The following HECW1 variants were observed in gnomAD, a reference collection of about 807,000 sequenced individuals.
The protein encoded by HECW1 is HECT, C2 and WW domain containing E3 ubiquitin protein ligase 1.
Under a neutral mutation model 182.3 loss-of-function variants are expected in HECW1, and 61 were observed. That is an observed-to-expected ratio of 0.33 (90% CI 0.27 to 0.41). The LOEUF is 0.41. HECW1 is among the 10% of genes least tolerant of loss of function. HECW1 has a pLI of 1.00. For synonymous variants in HECW1, 859 were observed against 832.6 expected (o/e 1.03, Z -0.55); for missense variants, 1,739 against 2,108.9 (o/e 0.82, Z 3.44).
rs1012192892 is a variant in HECW1, at chr7:43,564,342, C to G, written c.*2416C>G. 4 of 185,282 alleles carry G rather than the reference C, an allele frequency of 2.2e-5. No individual in the cohort carries two copies. The East Asian group carries it at 3.5e-4, about 16-fold the overall frequency. 11.5% of individuals were successfully genotyped at this position (185,282 alleles called of 1,614,324 possible). On this transcript the variant is annotated 3_prime_UTR_variant, in exon 30 of 30. Coordinates refer to ENST00000395891, the MANE Select transcript of HECW1 (RefSeq NM_015052.5). Reference sequence around the variant, plus strand: ...AAGCTGTTTACAAGATGGACCAGCTCCTGGAGAGCTTTGCAATTTATATAA... The same window carrying G: ...AAGCTGTTTACAAGATGGACCAGCTGCTGGAGAGCTTTGCAATTTATATAA...
At chr7:43,199,391 T>A (rs1301633673) in intron 2 of HECW1, among the ~76,000 whole-genome samples, 2 of 152,262 alleles carry the variant, frequency 1.3e-5, no homozygotes, top group Non-Finnish European at 2.9e-5. Flanking sequence ...TTATAGACTT[T>A]GAGAGTTTCC....
chr7:43,393,185 G>T (rs763148400), intron 6 of HECW1, among the ~76,000 whole-genome samples: 22 of 151,908 alleles, frequency 1.4e-4, no homozygotes, highest in Admixed American at 1.2e-3. Context: ...AACAGAGAGA[G>T]GGGGGGCAAC....
chr7:43,155,019 C>T (rs772703822), intron 2 of HECW1, among the ~76,000 whole-genome samples: 9 of 152,142 alleles, frequency 5.9e-5, no homozygotes, highest in Admixed American at 2.0e-4. Flanking sequence ...CAGACTACAA[C>T]GCAAGGCTGC....
chr7:43,226,007 A>C (rs1016892694), intron 2 of HECW1, among the ~76,000 whole-genome samples: 4 of 152,094 alleles, frequency 2.6e-5, no homozygotes, highest in African/African-American at 9.7e-5. Flanking sequence ...TCCTGGACTC[A>C]AGCAATCCTC....
At chr7:43,424,121 G>A (rs988269763) in intron 8 of HECW1, among the ~76,000 whole-genome samples, 4 of 152,192 alleles carry the variant, frequency 2.6e-5, no homozygotes, top group African/African-American at 9.7e-5. Context: ...TTCCACTTCA[G>A]CCAGGCTCAT....
chr7:43,197,452 G>A (rs934310123), intron 2 of HECW1, among the ~76,000 whole-genome samples: 1 of 152,312 alleles, frequency 6.6e-6, no homozygotes, highest in Non-Finnish European at 1.5e-5. Context: ...AAAGCGATGC[G>A]TCCTGGGTGG....
chr7:43,307,400 C>T (rs142105929), intron 3 of HECW1, among the ~76,000 whole-genome samples: 4 of 152,024 alleles, frequency 2.6e-5, no homozygotes, highest in Admixed American at 6.6e-5. Context: ...TAGTGATATC[C>T]GTTGATTTCC....
chr7:43,213,736 C>T (rs1036719321), intron 2 of HECW1, among the ~76,000 whole-genome samples: 8 of 152,010 alleles, frequency 5.3e-5, no homozygotes, highest in East Asian at 1.9e-4. Context: ...TGAGCCACTG[C>T]GCCCAGCCAA....
chr7:43,502,516 G>A (rs2079406625), intron 21 of HECW1, among the ~76,000 whole-genome samples: 1 of 152,022 alleles, frequency 6.6e-6, no homozygotes, highest in South Asian at 2.1e-4. Context: ...TTTTTAATTA[G>A]CCAGGTGTGG....
intron 5 of HECW1, among the ~76,000 whole-genome samples, chr7:43,327,722 C>T (rs899910797): frequency 6.6e-6 from 1 of 152,288 alleles, no homozygotes; most frequent in South Asian, 2.1e-4. Flanking sequence ...AGTCCATAGG[C>T]ACTCTCTAGC....
intron 16 of HECW1, among the ~76,000 whole-genome samples, chr7:43,471,397 G>A (rs1447399064): frequency 2.0e-5 from 3 of 151,946 alleles, no homozygotes; most frequent in African/African-American, 4.8e-5. Context: ...CCCTCACCCT[G>A]GACAATCTGC....
chr7:43,173,870 G>A (rs932375985), intron 2 of HECW1, among the ~76,000 whole-genome samples: 16 of 151,476 alleles, frequency 1.1e-4, no homozygotes, highest in Admixed American at 2.0e-4. Flanking sequence ...TGGAGACAGG[G>A]TATCACTCTG....
At chr7:43,489,631 A>T (rs1204039049) in intron 17 of HECW1, among the ~76,000 whole-genome samples, 2 of 152,280 alleles carry the variant, frequency 1.3e-5, no homozygotes, top group African/African-American at 4.8e-5. Context: ...GGCAATAAGA[A>T]GGACCAGGAG....
chr7:43,525,173 C>G (rs1272857926), intron 24 of HECW1, among the ~76,000 whole-genome samples: 1 of 152,122 alleles, frequency 6.6e-6, no homozygotes, highest in African/African-American at 2.4e-5. Context: ...CAATATCAAG[C>G]CCAATAATCG....
intron 2 of HECW1, among the ~76,000 whole-genome samples, chr7:43,222,627 A>G (rs569284760): frequency 2.6e-4 from 39 of 152,304 alleles, no homozygotes; most frequent in African/African-American, 9.4e-4. Context: ...AGAGAGCCAA[A>G]TTCAGTAGGG....
rs375404889 is a variant in HECW1 at position 43,312,056 on chromosome 7, C to T, written c.321C>T (p.Asp107=). ...ACTGGGACATAAAGGAGGAAGTGGA[C>T]GCTGGGGACTGGATTGGCATGTACC... ...VIHWDIKEEV[D]AGDWIGMYLI... The change falls in exon 4 of 30, where the codon GAC becomes GAT. Residue 107 remains aspartate (D), a synonymous_variant. Transcript: ENST00000395891. 1.9e-5 allele frequency: 31 copies of T among 1,614,060 alleles called. No individual in the cohort carries two copies. The highest frequency in any genetic ancestry group is 1.5e-4 in the African/African-American group (11 of 74,940).
chr7:43,357,612 A>G (rs1430792213), intron 5 of HECW1, among the ~76,000 whole-genome samples: 4 of 152,190 alleles, frequency 2.6e-5, no homozygotes, highest in South Asian at 2.1e-4. Flanking sequence ...GGGTACAAAT[A>G]TACAGTTTGA....
chr7:43,445,510 G>T lies in HECW1; in HGVS notation c.2338G>T (p.Val780Leu). The T allele has an allele frequency of 6.2e-7, 1 of 1,610,932 alleles. No homozygotes were observed. The highest frequency in any genetic ancestry group is 1.1e-5 in the South Asian group (1 of 91,000). The change falls in exon 11 of 30, where the codon GTG becomes TTG. Residue 780 changes from valine to leucine, a missense_variant. Coordinates refer to ENST00000395891, the MANE Select transcript of HECW1 (RefSeq NM_015052.5). ...QDELAAPSGH[V>L]ERSPEGLESP... ...CGAGCTGGCCGCCCCTAGCGGGCAC[G>T]TGGAAAGAAGCCCGGAAGGTCTGGA...
intron 5 of HECW1, among the ~76,000 whole-genome samples, chr7:43,336,261 G>A (rs1812274293): frequency 6.8e-6 from 1 of 146,002 alleles, no homozygotes; most frequent in Non-Finnish European, 1.5e-5. Flanking sequence ...GGCCTCAAGG[G>A]CTCAAGTGAT....
Sources: gnomAD v4.1 joint callset for allele counts (sites outside exome capture counted in the v4.1 genomes callset) on GRCh38, gnomAD v4.1.1 for gene constraint, MANE v1.5 for transcripts, NCBI Gene and HGNC (gene_info 2026-07-23, HGNC 2026-07-21) for gene names.